SLC10A7: variants seen among roughly 807,000 people sequenced by gnomAD.
The protein encoded by SLC10A7 is sodium/bile acid cotransporter 7.
Under a neutral mutation model 43.2 loss-of-function variants are expected in SLC10A7, and 29 were observed. That is an observed-to-expected ratio of 0.67 (90% CI 0.50 to 0.92). The LOEUF is 0.92. Among genes scored for constraint, SLC10A7 ranks in the 40% least tolerant of loss-of-function variants. SLC10A7 has a pLI of 0.00. For synonymous variants in SLC10A7, 152 were observed against 144.8 expected, an observed-to-expected ratio of 1.05 and a Z score of -0.35; for missense variants, 295 against 403.2, an observed-to-expected ratio of 0.73 and a Z score of 2.30.
intron 5 of SLC10A7, among the ~76,000 whole-genome samples, chr4:146,349,728 G>C (rs1336346549): frequency 6.6e-6 from 1 of 152,100 alleles, no homozygotes; most frequent in Non-Finnish European, 1.5e-5. Flanking sequence ...TGCAGCTGGA[G>C]GCCATTATCC....
intron 9 of SLC10A7, among the ~76,000 whole-genome samples, chr4:146,285,077 G>T (rs1012632371): frequency 6.6e-6 from 1 of 152,204 alleles, no homozygotes; most frequent in Non-Finnish European, 1.5e-5. Flanking sequence ...TGAGACTGCA[G>T]TATGGGAGTG....
In SLC10A7 at chr4:146,307,625, G is replaced by C. The variant is rs548415986; in HGVS notation, c.472-1616C>G. On this transcript the variant is annotated intron_variant, in intron 6 of 11. Coordinates refer to ENST00000335472, the MANE Select transcript of SLC10A7 (RefSeq NM_001029998.6). The stretch of plus-strand genomic sequence containing the variant: ...TGAGAAATGAGGCACTGGATGAATA[G>C]AAAAATACACTTTAAAGAACAAAGT... 2.0e-5 allele frequency among the ~76,000 whole-genome samples: 3 copies of C among 152,192 alleles called. No homozygotes were observed. The South Asian group carries it at 6.2e-4, about 32-fold the overall frequency.
At chr4:146,388,578 GA>G (rs1738174731) in intron 5 of SLC10A7, among the ~76,000 whole-genome samples, 2 of 152,020 alleles carry the variant, frequency 1.3e-5, no homozygotes, top group South Asian at 4.1e-4. Context: ...CTAACACAGT[GA>G]AACCCCATCT....
intron 3 of SLC10A7, among the ~76,000 whole-genome samples, chr4:146,508,494 A>G (rs1418934612): frequency 1.3e-5 from 2 of 152,226 alleles, no homozygotes; most frequent in Non-Finnish European, 2.9e-5. Context: ...AATCTGGCCA[A>G]AATGGCACTC....
chr4:146,423,000 T>C (rs754266498), intron 5 of SLC10A7, among the ~76,000 whole-genome samples: 2 of 152,136 alleles, frequency 1.3e-5, no homozygotes, highest in Non-Finnish European at 2.9e-5. Flanking sequence ...ATTGAAAGCA[T>C]TACCTTCAAA....
At chr4:146,287,790 A>T (rs1350959354) in intron 9 of SLC10A7, among the ~76,000 whole-genome samples, 2 of 152,172 alleles carry the variant, frequency 1.3e-5, no homozygotes. Flanking sequence ...TATATCAGCC[A>T]TGGCTGCATC....
At chr4:146,286,669 A>AAGGACCGTGTCTGGAGTGGTGAGG (rs1560763955) in intron 9 of SLC10A7, among the ~76,000 whole-genome samples, 6 of 142,632 alleles carry the variant, frequency 4.2e-5, no homozygotes, top group South Asian at 2.3e-4. Flanking sequence ...GAGTGGTGAG[A>AAGGACCGTGTCTGGAGTGGTGAGG]AGGACCGTGT....
intron 10 of SLC10A7, among the ~76,000 whole-genome samples, chr4:146,278,025 G>A (rs188952550): frequency 2.0e-5 from 3 of 152,132 alleles, no homozygotes; most frequent in African/African-American, 7.2e-5. Flanking sequence ...AAACCCATGC[G>A]AAGATCAAAT....
In SLC10A7 at chr4:146,254,361, TAAC is replaced by T. The variant is rs1470930294; in HGVS notation, c.*2127_*2129del. On this transcript the variant is annotated 3_prime_UTR_variant, in exon 12 of 12. Coordinates refer to ENST00000335472, the MANE Select transcript of SLC10A7 (RefSeq NM_001029998.6). ...CAGATAGCTTTACAGTGTATAAACATAACAAAATATTTTAAGCTCTGAATAATT... is the reference window on the plus strand; with the variant it reads ...CAGATAGCTTTACAGTGTATAAACATAAAATATTTTAAGCTCTGAATAATT... 7 of 152,194 alleles carry T rather than the reference TAAC, an allele frequency of 4.6e-5. No homozygotes were observed. The South Asian group carries it at 6.2e-4, about 14-fold the overall frequency. The allele number at this position is 152,194 out of a possible 1,614,324, so 9.4% of individuals were successfully genotyped here.
intron 5 of SLC10A7, among the ~76,000 whole-genome samples, chr4:146,430,587 A>C (rs1729706839): frequency 6.6e-6 from 1 of 152,218 alleles, no homozygotes. Flanking sequence ...AACTACTGTT[A>C]TAAGGTAAAA....
chr4:146,395,919 T>A (rs2149810253), intron 5 of SLC10A7, among the ~76,000 whole-genome samples: 1 of 152,338 alleles, frequency 6.6e-6, no homozygotes, highest in Middle Eastern at 3.4e-3. Flanking sequence ...ATCAATGAGA[T>A]GTCCTCATAA....
chr4:146,313,436 T>C (rs1732113833), intron 6 of SLC10A7, among the ~76,000 whole-genome samples: 1 of 152,138 alleles, frequency 6.6e-6, no homozygotes, highest in Admixed American at 6.6e-5. Flanking sequence ...AAGCTACTCT[T>C]AGCTTCAAGG....
chr4:146,320,266 G>C (rs1478348765), intron 6 of SLC10A7, among the ~76,000 whole-genome samples: 1 of 152,028 alleles, frequency 6.6e-6, no homozygotes, highest in Non-Finnish European at 1.5e-5. Context: ...AGTTCAGCAG[G>C]GTTAGTACTT....
chr4:146,290,724 T>C lies in SLC10A7; in HGVS notation c.773+2205A>G, dbSNP rs577312724. Reference sequence around the variant, plus strand: ...AAAATTACAAGTTAGCCGGGCATGGTGGTGTTTGCATGTAGTCTCAGCTAA... The same window carrying C: ...AAAATTACAAGTTAGCCGGGCATGGCGGTGTTTGCATGTAGTCTCAGCTAA... On this transcript the variant is annotated intron_variant, in intron 9 of 11. Coordinates refer to ENST00000335472, the MANE Select transcript of SLC10A7 (RefSeq NM_001029998.6). 2.2e-4 allele frequency among the ~76,000 whole-genome samples: 34 copies of C among 152,176 alleles called. No homozygotes were observed. In the East Asian group the frequency reaches 6.6e-3, roughly 29 times the overall value.
At chr4:146,284,796 C>T (rs1729781404) in intron 9 of SLC10A7, among the ~76,000 whole-genome samples, 1 of 152,044 alleles carries the variant, frequency 6.6e-6, no homozygotes, top group Admixed American at 6.6e-5. Context: ...CCCTTTATTC[C>T]TCACAGTAGG....
chr4:146,395,708 A>C (rs551619797), intron 5 of SLC10A7, among the ~76,000 whole-genome samples: 1 of 152,190 alleles, frequency 6.6e-6, no homozygotes, highest in South Asian at 2.1e-4. Context: ...ATGAAAACCA[A>C]AACGAGTATA....
At chr4:146,445,895 G>C (rs1342866195) in intron 4 of SLC10A7, among the ~76,000 whole-genome samples, 2 of 151,148 alleles carry the variant, frequency 1.3e-5, no homozygotes, top group South Asian at 4.2e-4. Flanking sequence ...TCTCTTCTGT[G>C]TGTGTGTGTG....
chr4:146,395,649 A>G (rs1738773426), intron 5 of SLC10A7, among the ~76,000 whole-genome samples: 1 of 152,224 alleles, frequency 6.6e-6, no homozygotes, highest in South Asian at 2.1e-4. Context: ...TGCTCCCAAC[A>G]TACACTAACA....
intron 10 of SLC10A7, among the ~76,000 whole-genome samples, chr4:146,266,664 G>A (rs1728575584): frequency 1.3e-5 from 2 of 152,154 alleles, no homozygotes; most frequent in African/African-American, 2.4e-5. Context: ...CTAATTTCTA[G>A]TAATAATAGT....
Sources: allele counts gnomAD v4.1 joint callset (sites outside exome capture counted in the v4.1 genomes callset), GRCh38; gene constraint gnomAD v4.1.1; transcripts MANE v1.5; gene names NCBI Gene and HGNC (gene_info 2026-07-23, HGNC 2026-07-21).